SNX29: variants seen among roughly 807,000 people sequenced by gnomAD.
SNX29 encodes the protein sorting nexin-29.
A neutral mutation model predicts 102.1 loss-of-function variants in SNX29; 78 were observed. That is an observed-to-expected ratio of 0.76 (90% CI 0.64 to 0.92). The LOEUF (loss-of-function observed/expected upper bound fraction) is 0.92, where lower values mean the gene tolerates loss of function less well. Among genes scored for constraint, SNX29 ranks in the 40% least tolerant of loss-of-function variants. SNX29 has a pLI of 0.00. For synonymous variants in SNX29, 580 were observed against 414.5 expected, an observed-to-expected ratio of 1.40 and a Z score of -4.85; for missense variants, 1,280 against 1,061.7, an observed-to-expected ratio of 1.21 and a Z score of -2.86.
chr16:12,482,659 C>T (rs1306311149), intron 19 of SNX29, among the ~76,000 whole-genome samples: 1 of 152,202 alleles, frequency 6.6e-6, no homozygotes, highest in Non-Finnish European at 1.5e-5. Flanking sequence ...CATTAAATGA[C>T]TCACTGCAGA....
At chr16:12,060,156 A>C (rs1490678459) in intron 8 of SNX29, among the ~76,000 whole-genome samples, 1 of 151,858 alleles carries the variant, frequency 6.6e-6, no homozygotes, top group African/African-American at 2.4e-5. Flanking sequence ...AAAAAAAACC[A>C]ATAAAAATAA....
chr16:12,487,697 C>G (rs187789047), intron 19 of SNX29, among the ~76,000 whole-genome samples: 122 of 152,284 alleles, frequency 8.0e-4, no homozygotes, highest in Non-Finnish European at 4.9e-4. Flanking sequence ...GGACTCCCCC[C>G]ACCTGTTCGC....
intron 18 of SNX29, among the ~76,000 whole-genome samples, chr16:12,459,724 C>T (rs1442957870): frequency 1.3e-5 from 2 of 152,146 alleles, no homozygotes; most frequent in African/African-American, 4.8e-5. Context: ...AGCATGGCCT[C>T]GCAGCTAACC....
chr16:12,418,866 T>G (rs1161268096), intron 18 of SNX29, among the ~76,000 whole-genome samples: 1 of 152,160 alleles, frequency 6.6e-6, no homozygotes, highest in East Asian at 1.9e-4. Context: ...TCTTGCAGTT[T>G]CCTACACAGT....
At position 12,010,623 on chromosome 16, in the gene SNX29, A is replaced by AAAAC. The variant is rs370695856; in HGVS notation, c.122+7599_122+7602dup. Among the ~76,000 whole-genome samples, 313 of 152,298 alleles carry AAAAC rather than the reference A, an allele frequency of 2.1e-3. 1 individual carries two copies. The highest frequency in any genetic ancestry group is 2.7e-3 in the African/African-American group (114 of 41,568). On this transcript the variant is annotated intron_variant, in intron 3 of 20. Coordinates refer to ENST00000566228, the MANE Select transcript of SNX29 (RefSeq NM_032167.5). ...CCTGGGCGATGTGAGACCTCGTCTC[A>AAAAC]AAACAAACAAACAAACAAACAAGAA...
intron 20 of SNX29, among the ~76,000 whole-genome samples, chr16:12,561,518 G>A (rs917324513): frequency 2.0e-5 from 3 of 152,164 alleles, no homozygotes; most frequent in Non-Finnish European, 4.4e-5. Flanking sequence ...GAAACAAAGT[G>A]AAAAGTTAGT....
intron 20 of SNX29, among the ~76,000 whole-genome samples, chr16:12,558,553 C>A (rs759508965): frequency 2.6e-5 from 4 of 152,242 alleles, no homozygotes; most frequent in African/African-American, 4.8e-5. Flanking sequence ...TGCCATGCCT[C>A]TCAGTACCCC....
rs111808833 is a variant in SNX29, at chr16:12,055,657, C to T, written c.1124+3435C>T. Among the ~76,000 whole-genome samples the T allele has an allele frequency of 2.6e-3, 401 of 152,276 alleles. 1 individual carries two copies. Among genetic ancestry groups the T allele is most frequent in the African/African-American group, 8.4e-3 (349 of 41,552 alleles). Reference sequence around the variant, plus strand: ...GCAGTTCAGGTCCAGAGGCAATCTGCTGGCAGAATTTCTTCTTCCTTTGGA... The same window carrying T: ...GCAGTTCAGGTCCAGAGGCAATCTGTTGGCAGAATTTCTTCTTCCTTTGGA... On this transcript the variant is annotated intron_variant, in intron 8 of 20. Coordinates refer to ENST00000566228, the MANE Select transcript of SNX29 (RefSeq NM_032167.5).
At chr16:12,398,617 T>G (rs1328526624) in intron 17 of SNX29, 116 bp downstream of exon 17, 2 of 1,181,772 alleles carry the variant, frequency 1.7e-6, no homozygotes, top group African/African-American at 3.0e-5. Flanking sequence ...CCACACAAGG[T>G]TGATGTGGTT....
At chr16:12,539,860 T>G (rs1567675182) in intron 20 of SNX29, among the ~76,000 whole-genome samples, 2 of 152,232 alleles carry the variant, frequency 1.3e-5, no homozygotes, top group Non-Finnish European at 2.9e-5. Flanking sequence ...TGTCCAAGTA[T>G]TTTGCCTGTT....
At chr16:12,349,300 A>G (rs1385645340) in intron 15 of SNX29, among the ~76,000 whole-genome samples, 2 of 152,228 alleles carry the variant, frequency 1.3e-5, no homozygotes, top group Non-Finnish European at 2.9e-5. Context: ...CCACCGTGCC[A>G]AGGTCAAAGA....
chr16:12,167,776 G>GT (rs1432987905), intron 13 of SNX29, among the ~76,000 whole-genome samples: 1 of 152,218 alleles, frequency 6.6e-6, no homozygotes, highest in Non-Finnish European at 1.5e-5. Context: ...CAGTTTCAGT[G>GT]TGATTCTACA....
At position 12,569,866 on chromosome 16, in the gene SNX29, A is replaced by G. The variant is rs2079149398; in HGVS notation, c.*1237A>G. 4.3e-6 allele frequency: 1 copy of G among 231,154 alleles called. No individual in the cohort carries two copies. The highest frequency in any genetic ancestry group is 8.6e-6 in the Non-Finnish European group (1 of 116,696). The allele number at this position is 231,154 out of a possible 1,614,324, so 14.3% of individuals were successfully genotyped here. On this transcript the variant is annotated 3_prime_UTR_variant, in exon 21 of 21. Coordinates refer to ENST00000566228, the MANE Select transcript of SNX29 (RefSeq NM_032167.5). ...TAGGAAGGATGTCGTGAAATGGACT[A>G]TGCAAGAGTAAGTTTGTGTGTTTCG...
chr16:12,231,656 A>G (rs1396335966), intron 14 of SNX29, among the ~76,000 whole-genome samples: 1 of 152,224 alleles, frequency 6.6e-6, no homozygotes, highest in Non-Finnish European at 1.5e-5. Context: ...ATGTGGTCTC[A>G]TAGGCAGAAT....
At chr16:12,398,312 G>A in intron 16 of SNX29, 134 bp from the exon 17 acceptor site, 5 of 953,676 alleles carry the variant, frequency 5.2e-6, no homozygotes, top group South Asian at 1.5e-5. Context: ...CCGTTTTCCA[G>A]TGACTGCTTT....
intron 14 of SNX29, among the ~76,000 whole-genome samples, chr16:12,204,624 A>C (rs544725939): frequency 6.6e-6 from 1 of 152,350 alleles, no homozygotes; most frequent in South Asian, 2.1e-4. Context: ...CATCAAAATA[A>C]TCAGCAGCAA....
rs543820393 is a variant in SNX29, at chr16:12,573,719, G to T, written c.*5090G>T. ...ATTGGGACTGAGGACAGTAGCACAC[G>T]GAATGGTGGATCGTACATTTGCACC... On this transcript the variant is annotated 3_prime_UTR_variant, in exon 21 of 21. Coordinates refer to ENST00000566228, the MANE Select transcript of SNX29 (RefSeq NM_032167.5). 1.8e-5 allele frequency: 4 copies of T among 223,232 alleles called. No individual in the cohort carries two copies. In the East Asian group the frequency reaches 2.6e-4, roughly 14 times the overall value. 13.8% of individuals were successfully genotyped at this position (223,232 alleles called of 1,614,324 possible). A position where few individuals can be genotyped will look rare whatever the true frequency, so the allele number is the denominator to read the frequency against.
intron 14 of SNX29, among the ~76,000 whole-genome samples, chr16:12,260,223 T>C (rs1314581082): frequency 1.3e-5 from 2 of 152,234 alleles, no homozygotes; most frequent in African/African-American, 4.8e-5. Flanking sequence ...TCAGGGATGA[T>C]GAGTCCTCTT....
At chr16:12,341,474 G>T (rs2081608118) in intron 15 of SNX29, among the ~76,000 whole-genome samples, 1 of 152,210 alleles carries the variant, frequency 6.6e-6, no homozygotes, top group African/African-American at 2.4e-5. Context: ...GTCAGAATAG[G>T]ATTGGTTCTG....
Sources: allele counts gnomAD v4.1 joint callset (sites outside exome capture counted in the v4.1 genomes callset), GRCh38; gene constraint gnomAD v4.1.1; transcripts MANE v1.5; gene names NCBI Gene and HGNC (gene_info 2026-07-23, HGNC 2026-07-21).